The following ZFP14 variants were observed in gnomAD, a reference collection of about 807,000 sequenced individuals.
ZFP14 encodes the protein ZFP14 zinc finger protein, also known as zinc finger protein 14 homolog.
Under a neutral mutation model 54.5 loss-of-function variants are expected in ZFP14, and 22 were observed. The ratio of observed to expected loss-of-function variants is 0.40; its 90% CI spans 0.29 to 0.58. The LOEUF (loss-of-function observed/expected upper bound fraction) is 0.58. Among genes scored for constraint, ZFP14 ranks in the 20% least tolerant of loss-of-function variants. ZFP14 has a pLI of 0.39. For missense variants in ZFP14, 470 were observed against 637.8 expected (o/e 0.74, Z 2.83); for synonymous variants, 159 against 204.0 (o/e 0.78, Z 1.88).
chr19:36,355,446 G>A (rs71354193), intron 4 of ZFP14, among the ~76,000 whole-genome samples: 8,875 of 142,304 alleles, frequency 0.062, 1,467 homozygotes, highest in Non-Finnish European at 0.08. Context: ...GGGAGGCAGA[G>A]GTATGAGGAT....
Position 36,341,655 on chromosome 19 carries a change from CA to C in ZFP14, c.236-66del. 1.4e-6 allele frequency: 2 copies of C among 1,445,052 alleles called. No individual in the cohort carries two copies. The highest frequency in any genetic ancestry group is 2.7e-5 in the Admixed American group (1 of 37,162). 89.5% of individuals were successfully genotyped at this position (1,445,052 alleles called of 1,614,324 possible). A position where few individuals can be genotyped will look rare whatever the true frequency, so the allele number is the denominator to read the frequency against. On this transcript the variant is annotated intron_variant, in intron 4 of 4. Coordinates refer to ENST00000270001, the MANE Select transcript of ZFP14 (RefSeq NM_020917.3). This position sits in a 1 kb window ranked among gnomAD's most constrained non-coding sequence, Gnocchi z 4.2. ...GTTCCAGAAAGAAAAAACAAACAAA[CA>C]AAAAAACCACTTCTATAGAGAAAAG...
rs1197635835 is a variant in ZFP14 at position 36,340,931 on chromosome 19, G to A, written c.895C>T (p.Leu299Phe). The change falls in exon 5 of 5, where the codon CTT becomes TTT. Residue 299 changes from leucine (L) to phenylalanine (F), a missense_variant. By Grantham distance (22) the Leu-to-Phe change is conservative (BLOSUM62 0). Coordinates refer to ENST00000270001, the MANE Select transcript of ZFP14 (RefSeq NM_020917.3). The surrounding 1 kb of genome is among the most constrained non-coding windows in gnomAD (Gnocchi z 5.4). ...CGKTFRQCTH[L>F]TRHQRLHTAE... ...GTATGAAGTCTCTGATGGCGTGTAA[G>A]GTGTGTACACTGTCTAAAGGTCTTT... is the stretch of plus-strand genomic sequence containing the variant. The A allele has an allele frequency of 6.2e-7, 1 of 1,613,840 alleles. No homozygotes were observed. The highest frequency in any genetic ancestry group is 8.5e-7 in the Non-Finnish European group (1 of 1,179,984).
chr19:36,378,587 T>C lies in ZFP14; in HGVS notation c.-80+576A>G, dbSNP rs560181772. 2.0e-5 allele frequency: 3 copies of C among 152,316 alleles called. No homozygotes were observed. The East Asian group carries it at 5.8e-4, about 29-fold the overall frequency. 9.4% of individuals were successfully genotyped at this position (152,316 alleles called of 1,614,324 possible). On this transcript the variant is annotated intron_variant, in intron 1 of 4. Transcript: ENST00000270001. ...AACACAAACTCATCTGGATGTTGAC[T>C]TGTCTATATGCAACAGCAATCATTT...
chr19:36,373,481 A>G (rs979650421), intron 1 of ZFP14, among the ~76,000 whole-genome samples: 8 of 152,116 alleles, frequency 5.3e-5, no homozygotes, highest in African/African-American at 1.9e-4. Context: ...ATTATACAAC[A>G]TGGTGATATA....
chr19:36,358,074 ATCT>A (rs1027727074), intron 4 of ZFP14, among the ~76,000 whole-genome samples: 20 of 144,448 alleles, frequency 1.4e-4, no homozygotes, highest in African/African-American at 4.5e-4. Context: ...CTATCTATCT[ATCT>A]ATCTATCTAT....
chr19:36,364,767 A>G (rs1316023433), intron 2 of ZFP14, among the ~76,000 whole-genome samples: 1 of 152,168 alleles, frequency 6.6e-6, no homozygotes, highest in Non-Finnish European at 1.5e-5. Flanking sequence ...GGAGAAGTTT[A>G]GAGTTTTCCC....
intron 2 of ZFP14, 32 bp downstream of exon 2, chr19:36,367,852 A>C: frequency 6.2e-7 from 1 of 1,607,858 alleles, no homozygotes; most frequent in South Asian, 1.1e-5. Flanking sequence ...AATTGACAGT[A>C]TTTCGAAAAG....
intron 4 of ZFP14, among the ~76,000 whole-genome samples, chr19:36,355,325 T>C (rs1223523098): frequency 1.4e-5 from 2 of 142,180 alleles, no homozygotes; most frequent in East Asian, 4.2e-4. Flanking sequence ...AGGAGGTAAT[T>C]AAGGTTAAAG....
At chr19:36,348,127 A>G (rs2031452405) in intron 4 of ZFP14, among the ~76,000 whole-genome samples, 1 of 152,216 alleles carries the variant, frequency 6.6e-6, no homozygotes, top group South Asian at 2.1e-4. Context: ...TTTGGTCACC[A>G]GATAGTCACA....
chr19:36,366,994 A>C (rs1015652605), intron 2 of ZFP14, among the ~76,000 whole-genome samples: 1 of 152,046 alleles, frequency 6.6e-6, no homozygotes, highest in Non-Finnish European at 1.5e-5. Context: ...TCTCTACTAA[A>C]AATGCAAAAA....
chr19:36,375,846 C>T (rs998271853), intron 1 of ZFP14, among the ~76,000 whole-genome samples: 1 of 151,916 alleles, frequency 6.6e-6, no homozygotes, highest in African/African-American at 2.4e-5. Flanking sequence ...CGTGAGCCAC[C>T]GCGCCCCGCC....
chr19:36,334,528 G>T lies in ZFP14; in HGVS notation c.*5696C>A, dbSNP rs899940595. On this transcript the variant is annotated 3_prime_UTR_variant, in exon 5 of 5. Transcript: ENST00000270001. ...AATCATTGTTTAATATAATATATAA[G>T]CATGTTTAACACAAACATATCAAGG... 3 of 152,078 alleles carry T rather than the reference G, an allele frequency of 2.0e-5. No individual in the cohort carries two copies. The South Asian group carries it at 6.2e-4, about 31-fold the overall frequency. 9.4% of individuals were successfully genotyped at this position (152,078 alleles called of 1,614,324 possible).
Position 36,341,368 on chromosome 19 carries a change from T to TTGTGCCACTTAC in ZFP14, c.457_458insGTAAGTGGCACA (p.Tyr153delinsCysLysTrpHisAsn), listed in dbSNP as rs1568464383. On this transcript the variant is annotated protein_altering_variant, in exon 5 of 5. Coordinates refer to ENST00000270001, the MANE Select transcript of ZFP14 (RefSeq NM_020917.3). This position sits in a 1 kb window ranked among gnomAD's most constrained non-coding sequence, Gnocchi z 4.2. The stretch of plus-strand genomic sequence containing the variant: ...CTCAGTAAGAAAATTGTGCCTTTTG[T>TTGTGCCACTTAC]AAGTGGTCATTTTTTCAGAGGTAAT... 1 of 1,614,160 alleles carries TTGTGCCACTTAC rather than the reference T, an allele frequency of 6.2e-7. No homozygotes were observed. Among genetic ancestry groups the TTGTGCCACTTAC allele is most frequent in the Non-Finnish European group, 8.5e-7 (1 of 1,180,020 alleles).
At chr19:36,375,626 C>T (rs1232751393) in intron 1 of ZFP14, among the ~76,000 whole-genome samples, 3 of 149,560 alleles carry the variant, frequency 2.0e-5, no homozygotes, top group African/African-American at 4.9e-5. Context: ...GGTGCGACCT[C>T]GGCTCACTGC....
intron 1 of ZFP14, among the ~76,000 whole-genome samples, chr19:36,371,664 T>A (rs555287261): frequency 3.2e-4 from 48 of 152,104 alleles, no homozygotes; most frequent in African/African-American, 1.1e-3. Flanking sequence ...AGAAAGCTTA[T>A]TTAAAGAAAT....
At chr19:36,370,151 T>C (rs1356392965) in intron 1 of ZFP14, among the ~76,000 whole-genome samples, 1 of 152,166 alleles carries the variant, frequency 6.6e-6, no homozygotes, top group African/African-American at 2.4e-5. Flanking sequence ...ATCGCAGTAC[T>C]GGGTTGTAGC....
Position 36,340,835 on chromosome 19 carries a change from G to T in ZFP14, c.991C>A (p.Gln331Lys), listed in dbSNP as rs776369362. 2.5e-5 allele frequency: 40 copies of T among 1,613,920 alleles called. No individual in the cohort carries two copies. Among genetic ancestry groups the T allele is most frequent in the Non-Finnish European group, 3.3e-5 (39 of 1,180,026 alleles). ...GGTTTCTCACCAAAATGAATTTTCTGATGTACTCTAAGGTCTGGACCACAT... is the reference window on the plus strand; with the variant it reads ...GGTTTCTCACCAAAATGAATTTTCTTATGTACTCTAAGGTCTGGACCACAT... ...FVCGPDLRVHQKIHFGEKPYE... is the reference protein window; with the variant it reads ...FVCGPDLRVHKKIHFGEKPYE... Residue 331 changes from glutamine (Q) to lysine (K), a missense_variant, in exon 5 of 5, where the codon CAG (glutamine) becomes AAG (lysine). Transcript: ENST00000270001. The surrounding 1 kb of genome is among the most constrained non-coding windows in gnomAD (Gnocchi z 5.4).
intron 4 of ZFP14, among the ~76,000 whole-genome samples, chr19:36,357,559 T>C (rs1032137089): frequency 1.3e-5 from 2 of 152,200 alleles, no homozygotes; most frequent in African/African-American, 4.8e-5. Flanking sequence ...CCAGTACTAT[T>C]TGTTGAAAAG....
rs977430296 is a variant in ZFP14 at position 36,341,935 on chromosome 19, T to G, written c.236-345A>C. Among the ~76,000 whole-genome samples the G allele has an allele frequency of 1.3e-5, 2 of 151,742 alleles. No homozygotes were observed. The highest frequency in any genetic ancestry group is 6.6e-5 in the Admixed American group (1 of 15,218). On this transcript the variant is annotated intron_variant, in intron 4 of 4. Transcript: ENST00000270001. The surrounding 1 kb of genome is among the most constrained non-coding windows in gnomAD (Gnocchi z 4.2). ...AGTGCGATCCCGGCTCACTGAAAGC[T>G]CCGCCTCCCGGGTTCACGCCATTCT...
Sources: gnomAD v4.1 joint callset for allele counts (sites outside exome capture counted in the v4.1 genomes callset) on GRCh38, gnomAD v4.1.1 for gene constraint, Gnocchi (gnomAD v3.1) non-coding constraint, MANE v1.5 for transcripts, NCBI Gene and HGNC (gene_info 2026-07-23, HGNC 2026-07-21) for gene names.